Variants in ADGRG6 observed in about 807,000 individuals in gnomAD.
ADGRG6 encodes G-protein coupled receptor 126.
Under a neutral mutation model 142.4 loss-of-function variants are expected in ADGRG6, and 84 were observed. The ratio of observed to expected loss-of-function variants is 0.59; its 90% confidence interval spans 0.49 to 0.71. The LOEUF (loss-of-function observed/expected upper bound fraction) is 0.71. Ranked by LOEUF, ADGRG6 falls within the 30% of genes least tolerant of loss-of-function variation. The probability of loss-of-function intolerance (pLI) is 0.00; values close to 1 mark genes in which losing one functional copy is unlikely to be tolerated. For missense variants in ADGRG6, 1,367 were observed against 1,466.6 expected, an observed-to-expected ratio of 0.93 and a Z score of 1.11; for synonymous variants, 521 against 520.5, an observed-to-expected ratio of 1.00 and a Z score of -0.01.
At chr6:142,379,363 T>G (rs1255382538) in intron 4 of ADGRG6, among the ~76,000 whole-genome samples, 5 of 152,234 alleles carry the variant, frequency 3.3e-5, no homozygotes, top group Non-Finnish European at 7.3e-5. Context: ...GAATTATTAG[T>G]AGTAGTCCTG....
chr6:142,400,533 T>G lies in ADGRG6; in HGVS notation c.1616T>G (p.Ile539Ser). Residue 539 changes from isoleucine (I) to serine (S), a missense_variant, in exon 11 of 25, where the codon ATC becomes AGC. Around this residue, in one of 3 missense-constraint regions of ADGRG6, gnomAD observed 737 missense variants for 746.5 expected, o/e 0.99. Coordinates refer to ENST00000367609, the MANE Select transcript of ADGRG6 (RefSeq NM_198569.3). ...EEPKGYYWPS[I>S]QPSEYVLPCP... Reference sequence around the variant, plus strand: ...CCCAAAGGCTACTACTGGCCATCTATCCAACCTTCTGAATACGTTCTTCCT... The same window carrying G: ...CCCAAAGGCTACTACTGGCCATCTAGCCAACCTTCTGAATACGTTCTTCCT... The G allele has an allele frequency of 6.2e-7, 1 of 1,607,884 alleles. No individual in the cohort carries two copies. The highest frequency in any genetic ancestry group is 8.5e-7 in the Non-Finnish European group (1 of 1,174,768).
rs779339683 is a variant in ADGRG6 at position 142,302,112 on chromosome 6, C to A, written c.-218C>A. 1.3e-5 allele frequency: 7 copies of A among 541,428 alleles called. No individual in the cohort carries two copies. The highest frequency in any genetic ancestry group is 2.3e-5 in the Non-Finnish European group (7 of 308,586). 33.5% of individuals were successfully genotyped at this position (541,428 alleles called of 1,614,324 possible). On this transcript the variant is annotated 5_prime_UTR_variant, in exon 1 of 25. Transcript: ENST00000367609. ...GGGACCTGCCGCCAGCCTGCTTCCT[C>A]GTCCGCAGGCCCTGCGCTGAACGCT...
intron 9 of ADGRG6, among the ~76,000 whole-genome samples, chr6:142,394,298 T>C (rs1474160693): frequency 6.6e-6 from 1 of 152,176 alleles, no homozygotes; most frequent in Admixed American, 6.5e-5. Context: ...ATAAAGTGTT[T>C]ATATATGATA....
intron 22 of ADGRG6, among the ~76,000 whole-genome samples, chr6:142,432,079 C>G (rs1777242200): frequency 6.6e-6 from 1 of 151,984 alleles, no homozygotes; most frequent in Non-Finnish European, 1.5e-5. Flanking sequence ...ACAAAAAACC[C>G]TCAACCTCAG....
intron 2 of ADGRG6, among the ~76,000 whole-genome samples, chr6:142,317,852 ATATT>A (rs1778193806): frequency 1.2e-5 from 1 of 81,844 alleles, no homozygotes; most frequent in Non-Finnish European, 2.1e-5. Flanking sequence ...TATATAATAT[ATATT>A]TATATTATAT....
At chr6:142,427,195 G>A (rs780879440) in intron 22 of ADGRG6, among the ~76,000 whole-genome samples, 1 of 152,070 alleles carries the variant, frequency 6.6e-6, no homozygotes, top group Non-Finnish European at 1.5e-5. Flanking sequence ...AAACTTTAAT[G>A]CTCTGTTTCC....
chr6:142,438,961 T>C (rs1777615700), intron 24 of ADGRG6, among the ~76,000 whole-genome samples: 1 of 152,182 alleles, frequency 6.6e-6, no homozygotes, highest in South Asian at 2.1e-4. Context: ...TGAACATGTA[T>C]GTGAAAAATC....
Position 142,445,594 on chromosome 6 carries a change from C to T in ADGRG6, c.*2079C>T, listed in dbSNP as rs1462225658. 6.6e-6 allele frequency: 1 copy of T among 152,076 alleles called. No homozygotes were observed. Among genetic ancestry groups the T allele is most frequent in the African/African-American group, 2.4e-5 (1 of 41,402 alleles). The allele number at this position is 152,076 out of a possible 1,614,324, so 9.4% of individuals were successfully genotyped here. A position where few individuals can be genotyped will look rare whatever the true frequency, so the allele number is the denominator to read the frequency against. On this transcript the variant is annotated 3_prime_UTR_variant, in exon 25 of 25. Coordinates refer to ENST00000367609, the MANE Select transcript of ADGRG6 (RefSeq NM_198569.3). ...ATATTTTTTTCATATTTGACAATGT[C>T]AGCTCCACTTTAGAAATTTTCAATA...
At chr6:142,327,268 T>A (rs937003234) in intron 2 of ADGRG6, among the ~76,000 whole-genome samples, 43 of 145,068 alleles carry the variant, frequency 3.0e-4, no homozygotes, top group African/African-American at 1.0e-3. Context: ...AGGAATTCAT[T>A]AAAAAAAAAA....
chr6:142,405,789 A>G lies in ADGRG6; in HGVS notation c.2229A>G (p.Arg743=), dbSNP rs892450620. Residue 743 remains arginine (R), a synonymous_variant, in exon 15 of 25, where the codon AGA becomes AGG. Transcript: ENST00000367609. The part of the protein sequence containing the change: ...LSPEDSVLVR[R]AQFTFFNKTG... The stretch of plus-strand genomic sequence containing the variant: ...CAGAAGATTCTGTATTAGTTAGAAG[A>G]GCACAGTTTACTTTCTTCAACAAAA... 6 of 1,607,024 alleles carry G rather than the reference A, an allele frequency of 3.7e-6. No individual in the cohort carries two copies. In the Admixed American group the frequency reaches 5.1e-5, roughly 14 times the overall value.
At position 142,405,844 on chromosome 6, in the gene ADGRG6, A is replaced by G; in HGVS notation, c.2268+16A>G. On this transcript the variant is annotated intron_variant, in intron 15 of 24. Transcript: ENST00000367609. ...ACTTTTCCAGGTAAGCACATTCATT[A>G]AATTATTGTTTTTCAACTGCAAATG... 1 of 1,544,424 alleles carries G rather than the reference A, an allele frequency of 6.5e-7. No homozygotes were observed. Among genetic ancestry groups the G allele is most frequent in the Non-Finnish European group, 8.7e-7 (1 of 1,147,734 alleles).
intron 2 of ADGRG6, among the ~76,000 whole-genome samples, chr6:142,328,376 T>C (rs1162200956): frequency 6.6e-6 from 1 of 152,108 alleles, no homozygotes; most frequent in Non-Finnish European, 1.5e-5. Flanking sequence ...CTAATTTTTG[T>C]GTATTTTGTA....
At chr6:142,336,178 G>A (rs575092915) in intron 2 of ADGRG6, among the ~76,000 whole-genome samples, 4 of 152,128 alleles carry the variant, frequency 2.6e-5, no homozygotes, top group Non-Finnish European at 5.9e-5. Context: ...CAAGGATAAA[G>A]GCTTTATGTG....
rs778649282 is a variant in ADGRG6 at position 142,400,531 on chromosome 6, T to C, written c.1614T>C (p.Ser538=). 1.3e-5 allele frequency: 21 copies of C among 1,606,228 alleles called. No individual in the cohort carries two copies. The African/African-American group carries it at 1.5e-4, about 11-fold the overall frequency. ...MEEPKGYYWP[S]IQPSEYVLPC... ...AACCCAAAGGCTACTACTGGCCATC[T>C]ATCCAACCTTCTGAATACGTTCTTC... The change falls in exon 11 of 25, where the codon TCT becomes TCC. Residue 538 remains serine, a synonymous_variant. Transcript: ENST00000367609.
At chr6:142,402,890 C>T (rs1395844117) in intron 13 of ADGRG6, 60 bp downstream of exon 13, 3 of 861,082 alleles carry the variant, frequency 3.5e-6, no homozygotes, top group Non-Finnish European at 5.4e-6. Flanking sequence ...TACATGATTT[C>T]TCACCTATCT....
chr6:142,436,440 A>T (rs558097215), intron 22 of ADGRG6, among the ~76,000 whole-genome samples: 1 of 152,162 alleles, frequency 6.6e-6, no homozygotes, highest in Admixed American at 6.5e-5. Flanking sequence ...CATCATTCTT[A>T]CAAGAGTGGT....
At chr6:142,432,442 A>G (rs1289830979) in intron 22 of ADGRG6, among the ~76,000 whole-genome samples, 1 of 152,172 alleles carries the variant, frequency 6.6e-6, no homozygotes, top group African/African-American at 2.4e-5. Context: ...TATAAATACA[A>G]TACCTTAAAA....
intron 2 of ADGRG6, among the ~76,000 whole-genome samples, chr6:142,329,450 T>C (rs1049392903): frequency 7.2e-5 from 11 of 152,196 alleles, no homozygotes; most frequent in Non-Finnish European, 1.6e-4. Flanking sequence ...TCTAATATTT[T>C]CACTTTTGAA....
chr6:142,423,968 G>A (rs1776804507), intron 22 of ADGRG6, among the ~76,000 whole-genome samples: 1 of 24,414 alleles, frequency 4.1e-5, no homozygotes, highest in African/African-American at 1.3e-4. Flanking sequence ...TTGGCTCTCT[G>A]TTTGTCTGTT....
Sources: gnomAD v4.1 joint callset for allele counts (sites outside exome capture counted in the v4.1 genomes callset) on GRCh38, gnomAD v4.1.1 for gene constraint, gnomAD v4.1.1 regional missense constraint, MANE v1.5 for transcripts, NCBI Gene and HGNC (gene_info 2026-07-23, HGNC 2026-07-21) for gene names.